Variants in MYT1L observed in about 807,000 individuals in gnomAD.
MYT1L encodes the protein myelin transcription factor 1 like, also known as myelin transcription factor 1-like protein.
In MYT1L, 12 loss-of-function variants were observed where a neutral mutation model predicts 126.7. That is an observed-to-expected ratio of 0.09 (90% CI 0.06 to 0.15). The LOEUF (loss-of-function observed/expected upper bound fraction) is 0.15. MYT1L is among the 10% of genes least tolerant of loss of function. The pLI, the probability that MYT1L is intolerant of heterozygous loss-of-function variation, is 1.00. For synonymous variants in MYT1L, 541 were observed against 604.2 expected (o/e 0.90, Z 1.53); for missense variants, 979 against 1,585.2 (o/e 0.62, Z 6.49).
At chr2:2,314,877 T>C (rs1345461554) in intron 1 of MYT1L, among the ~76,000 whole-genome samples, 1 of 152,084 alleles carries the variant, frequency 6.6e-6, no homozygotes, top group Admixed American at 6.5e-5. Context: ...AGACTGCACA[T>C]CTACAACCAT....
At chr2:1,993,410 T>A (rs1374391247) in intron 5 of MYT1L, among the ~76,000 whole-genome samples, 1 of 152,188 alleles carries the variant, frequency 6.6e-6, no homozygotes, top group African/African-American at 2.4e-5. Context: ...GCAGGCTCTT[T>A]GTATATTTAT....
At chr2:2,198,812 C>T (rs1394279763) in intron 2 of MYT1L, among the ~76,000 whole-genome samples, 1 of 152,052 alleles carries the variant, frequency 6.6e-6, no homozygotes, top group Admixed American at 6.6e-5. Context: ...GAGCACTGCA[C>T]TCCAGCCTGG....
At chr2:1,963,917 T>C (rs566210359) in intron 8 of MYT1L, among the ~76,000 whole-genome samples, 1 of 152,370 alleles carries the variant, frequency 6.6e-6, no homozygotes, top group Non-Finnish European at 1.5e-5. Context: ...AAAGTAGCAA[T>C]TTAATTTCCT....
chr2:1,798,005 G>C (rs1447380445), intron 23 of MYT1L, among the ~76,000 whole-genome samples: 1 of 62,262 alleles, frequency 1.6e-5, no homozygotes, highest in East Asian at 4.1e-4. Flanking sequence ...CGGCACAGGC[G>C]CGGCGGTCTC....
chr2:2,224,920 T>C lies in MYT1L; in HGVS notation c.-420-51932A>G, dbSNP rs1175819000. 6.6e-6 allele frequency among the ~76,000 whole-genome samples: 1 copy of C among 152,050 alleles called. No homozygotes were observed. Among genetic ancestry groups the C allele is most frequent in the Non-Finnish European group, 1.5e-5 (1 of 68,006 alleles). On this transcript the variant is annotated intron_variant, in intron 2 of 24. Transcript: ENST00000647738. The surrounding 1 kb of genome is among the most constrained non-coding windows in gnomAD (Gnocchi z 4.0). ...GTGTGCTGGGCAGTCATACGCTGGGTTTGAGCCTCATGCTTGTTTGCTGGG... is the reference window on the plus strand; with the variant it reads ...GTGTGCTGGGCAGTCATACGCTGGGCTTGAGCCTCATGCTTGTTTGCTGGG...
chr2:1,810,189 CG>C (rs2036376310), intron 21 of MYT1L: 2 of 151,134 alleles, frequency 1.3e-5, no homozygotes, highest in African/African-American at 4.9e-5. Context: ...TGCAGTGGCC[CG>C]ATGTCGGCTC....
intron 4 of MYT1L, among the ~76,000 whole-genome samples, chr2:2,051,443 A>T (rs868696574): frequency 7.2e-5 from 11 of 152,166 alleles, no homozygotes; most frequent in African/African-American, 2.4e-4. Context: ...ATTCATTGAG[A>T]TGTGACTGAG....
intron 3 of MYT1L, among the ~76,000 whole-genome samples, chr2:2,161,239 A>G (rs1283442652): frequency 6.6e-6 from 1 of 152,162 alleles, no homozygotes. Flanking sequence ...AACAAAAACC[A>G]AACTGTATTA....
At chr2:2,055,406 A>T (rs1183366125) in intron 3 of MYT1L, among the ~76,000 whole-genome samples, 1 of 152,254 alleles carries the variant, frequency 6.6e-6, no homozygotes, top group East Asian at 1.9e-4. Context: ...GTAATAATTT[A>T]AAATTTTTTA....
intron 3 of MYT1L, among the ~76,000 whole-genome samples, chr2:2,102,624 G>T (rs1006003859): frequency 6.6e-6 from 1 of 151,826 alleles, no homozygotes; most frequent in Non-Finnish European, 1.5e-5. Context: ...GTGTGTGTGT[G>T]TGTGTGTGTG....
chr2:2,038,165 C>T lies in MYT1L; in HGVS notation c.-158+15813G>A, dbSNP rs142771356. ...ATTATTTTATGATGTGTGCCTCTCA[C>T]GGGACTATTAGAATGGCCTGCACTG... On this transcript the variant is annotated intron_variant, in intron 4 of 24. Transcript: ENST00000647738. 2.1e-3 allele frequency among the ~76,000 whole-genome samples: 324 copies of T among 152,304 alleles called. 2 individuals carry two copies. Among genetic ancestry groups the T allele is most frequent in the African/African-American group, 7.0e-3 (292 of 41,566 alleles).
chr2:1,872,036 G>T (rs2046343620), intron 18 of MYT1L, among the ~76,000 whole-genome samples: 1 of 152,190 alleles, frequency 6.6e-6, no homozygotes, highest in South Asian at 2.1e-4. Context: ...ACTGATCAAG[G>T]TGATGCTGGT....
At chr2:1,891,933 TG>T in intron 15 of MYT1L, 103 bp downstream of exon 15, 1 of 1,430,820 alleles carries the variant, frequency 7.0e-7, no homozygotes, top group South Asian at 1.5e-5. Context: ...TCACGGCGTT[TG>T]CCCCATACAG....
chr2:1,956,594 A>G (rs1483171527), intron 8 of MYT1L, among the ~76,000 whole-genome samples: 4 of 149,616 alleles, frequency 2.7e-5, no homozygotes, highest in East Asian at 2.0e-4. Flanking sequence ...CTATCTATCT[A>G]TCTATCTATC....
At chr2:1,864,623 G>A (rs902142620) in intron 18 of MYT1L, among the ~76,000 whole-genome samples, 25 of 152,182 alleles carry the variant, frequency 1.6e-4, no homozygotes, top group African/African-American at 5.3e-4. Flanking sequence ...CAGGCATCTC[G>A]TTTATTCAGG....
chr2:1,914,027 G>A (rs548565544), intron 11 of MYT1L, among the ~76,000 whole-genome samples: 21 of 152,114 alleles, frequency 1.4e-4, no homozygotes, highest in African/African-American at 4.1e-4. Flanking sequence ...AGGCTGAGGC[G>A]GGCGGATCAC....
chr2:2,129,068 C>A (rs550562281), intron 3 of MYT1L, among the ~76,000 whole-genome samples: 1 of 152,132 alleles, frequency 6.6e-6, no homozygotes, highest in Admixed American at 6.5e-5. Context: ...TATTATCAGT[C>A]GCCACATTGA....
At chr2:2,121,865 G>A (rs566205647) in intron 3 of MYT1L, among the ~76,000 whole-genome samples, 6 of 152,252 alleles carry the variant, frequency 3.9e-5, no homozygotes, top group African/African-American at 1.4e-4. Flanking sequence ...GGCTGCGGTC[G>A]CCTGTGATCT....
At chr2:1,975,601 C>A (rs13018578) in intron 8 of MYT1L, among the ~76,000 whole-genome samples, 4,071 of 152,100 alleles carry the variant, frequency 0.027, 73 homozygotes, top group Non-Finnish European at 0.042. Context: ...TGGTGGCATG[C>A]GCCTGTGATC....
Sources: allele counts gnomAD v4.1 joint callset (sites outside exome capture counted in the v4.1 genomes callset), GRCh38; gene constraint gnomAD v4.1.1; non-coding constraint Gnocchi (gnomAD v3.1); transcripts MANE v1.5; gene names NCBI Gene and HGNC (gene_info 2026-07-23, HGNC 2026-07-21).